The following DHRSX variants were observed in gnomAD, a reference collection of about 807,000 sequenced individuals.
DHRSX encodes the protein polyprenol dehydrogenase.
Under a neutral mutation model 34.0 loss-of-function variants are expected in DHRSX, and 31 were observed. The ratio of observed to expected loss-of-function variants is 0.91; its 90% CI spans 0.69 to 1.23. The LOEUF is 1.23. Among genes scored for constraint, DHRSX ranks in the 50% most tolerant of loss-of-function variants. DHRSX has a pLI of 0.00. For missense variants in DHRSX, 414 were observed against 428.1 expected (o/e 0.97, Z 0.29); for synonymous variants, 201 against 183.8 (o/e 1.09, Z -0.76).
At position 2,232,588 on chromosome X, in the gene DHRSX, ATTAT is replaced by A. The variant is rs766895035; in HGVS notation, c.804+10431_804+10434del. Among the ~76,000 whole-genome samples, 13 of 151,352 alleles carry A rather than the reference ATTAT, an allele frequency of 8.6e-5. No individual in the cohort carries two copies. The East Asian group carries it at 9.7e-4, about 11-fold the overall frequency. ...GAATCAGCATTTTTTTTTATTTTTT[ATTAT>A]TTATTTATTTATTTGAGATGCCAGG... On this transcript the variant is annotated intron_variant, in intron 6 of 6. Coordinates refer to ENST00000334651, the MANE Select transcript of DHRSX (RefSeq NM_145177.3).
rs778957532 is a variant in DHRSX at position 2,243,788 on chromosome X, G to GTTTTTTTTTTTTTTTT, written c.597-574_597-559dup. Among the ~76,000 whole-genome samples the GTTTTTTTTTTTTTTTT allele has an allele frequency of 9.9e-4, 25 of 25,134 alleles. 1 individual carries two copies. The highest frequency in any genetic ancestry group is 2.5e-3 in the South Asian group (1 of 406). 16.5% of individuals were successfully genotyped at this position (25,134 alleles called of 152,430 possible). ...ACAGGCAGGAGCCACTATGCTCCCT[G>GTTTTTTTTTTTTTTTT]TTTTTTTTTTTTTTTTTTTTTTTTT... On this transcript the variant is annotated intron_variant, in intron 5 of 6. Transcript: ENST00000334651.
intron 1 of DHRSX, among the ~76,000 whole-genome samples, chrX:2,496,494 C>T (rs1257027262): frequency 2.0e-5 from 3 of 152,222 alleles, no homozygotes; most frequent in South Asian, 2.1e-4. Flanking sequence ...CCACCGCACC[C>T]GGCCCGCCAA....
At chrX:2,236,455 G>A (rs951342265) in intron 6 of DHRSX, among the ~76,000 whole-genome samples, 8 of 152,106 alleles carry the variant, frequency 5.3e-5, no homozygotes, top group South Asian at 2.1e-4. Context: ...TTTTGAGATG[G>A]AGTTTCACTC....
At chrX:2,448,452 A>G (rs1338761118) in intron 1 of DHRSX, among the ~76,000 whole-genome samples, 1 of 151,904 alleles carries the variant, frequency 6.6e-6, no homozygotes, top group Non-Finnish European at 1.5e-5. Context: ...AAATGACTAA[A>G]AGTAGATTTT....
intron 1 of DHRSX, among the ~76,000 whole-genome samples, chrX:2,477,645 AGACCAACAT>A (rs1286350943): frequency 5.9e-5 from 9 of 152,316 alleles, no homozygotes; most frequent in Non-Finnish European, 1.0e-4. Context: ...CAGGAGTTCG[AGACCAACAT>A]GACCAACATG....
intron 4 of DHRSX, among the ~76,000 whole-genome samples, chrX:2,273,462 C>T (rs1288090720): frequency 2.6e-5 from 4 of 152,154 alleles, no homozygotes; most frequent in East Asian, 1.9e-4. Flanking sequence ...AGCAAATACA[C>T]GTTCTCACTT....
At chrX:2,476,868 A>G (rs994549888) in intron 1 of DHRSX, among the ~76,000 whole-genome samples, 2 of 151,904 alleles carry the variant, frequency 1.3e-5, no homozygotes, top group Non-Finnish European at 2.9e-5. Flanking sequence ...CGGGTGTGGT[A>G]GTGCATGCCT....
At chrX:2,333,259 A>G (rs982141683) in intron 3 of DHRSX, among the ~76,000 whole-genome samples, 3 of 152,226 alleles carry the variant, frequency 2.0e-5, no homozygotes, top group Non-Finnish European at 4.4e-5. Context: ...CATAGCTTAA[A>G]ACACATACAC....
intron 3 of DHRSX, among the ~76,000 whole-genome samples, chrX:2,345,606 C>G (rs1455944784): frequency 6.7e-6 from 1 of 149,546 alleles, no homozygotes; most frequent in Non-Finnish European, 1.5e-5. Context: ...AAGATCGCAC[C>G]GAGATCGCAT....
chrX:2,251,648 C>T (rs2016436552), intron 5 of DHRSX, among the ~76,000 whole-genome samples: 1 of 152,112 alleles, frequency 6.6e-6, no homozygotes, highest in South Asian at 2.1e-4. Context: ...GGAGAGTGTA[C>T]CCTTTCTGCA....
chrX:2,458,825 C>A (rs2044351202), intron 1 of DHRSX, among the ~76,000 whole-genome samples: 1 of 151,772 alleles, frequency 6.6e-6, no homozygotes, highest in African/African-American at 2.4e-5. Context: ...TAATGAAACC[C>A]CATCTCTAAA....
intron 5 of DHRSX, among the ~76,000 whole-genome samples, chrX:2,244,198 T>C (rs767449110): frequency 3.9e-4 from 59 of 152,318 alleles, no homozygotes; most frequent in African/African-American, 1.3e-3. Context: ...AAGCACATGT[T>C]AAACTCTTTG....
At chrX:2,304,199 G>A (rs1209561282) in intron 3 of DHRSX, among the ~76,000 whole-genome samples, 17 of 99,072 alleles carry the variant, frequency 1.7e-4, no homozygotes, top group African/African-American at 6.9e-4. Flanking sequence ...ATGGATGGAT[G>A]GATAAATGGA....
chrX:2,396,843 C>T (rs1271328629), intron 3 of DHRSX, among the ~76,000 whole-genome samples: 2 of 150,848 alleles, frequency 1.3e-5, no homozygotes, highest in Admixed American at 1.3e-4. Flanking sequence ...CGGCTCACCA[C>T]AACCTCCGCC....
chrX:2,411,448 C>T (rs186086160), intron 2 of DHRSX, among the ~76,000 whole-genome samples: 46 of 150,256 alleles, frequency 3.1e-4, no homozygotes, highest in Admixed American at 1.0e-3. Flanking sequence ...ACTAGGGAAG[C>T]GGAGGCAGGA....
intron 4 of DHRSX, among the ~76,000 whole-genome samples, chrX:2,272,250 A>T (rs2041567597): frequency 6.6e-6 from 1 of 152,148 alleles, no homozygotes; most frequent in African/African-American, 2.4e-5. Flanking sequence ...CATTTTCCTC[A>T]TATTTTATTT....
At chrX:2,224,783 T>A (rs1019633338) in intron 6 of DHRSX, among the ~76,000 whole-genome samples, 1 of 151,856 alleles carries the variant, frequency 6.6e-6, no homozygotes, top group Non-Finnish European at 1.5e-5. Flanking sequence ...CTCATTCACA[T>A]GCACACATGC....
chrX:2,343,085 C>T (rs977507065), intron 3 of DHRSX, among the ~76,000 whole-genome samples: 4 of 152,116 alleles, frequency 2.6e-5, no homozygotes, highest in African/African-American at 9.7e-5. Flanking sequence ...AAGATAAACC[C>T]GTCTCCGACC....
At chrX:2,255,851 T>G (rs112217393) in intron 5 of DHRSX, among the ~76,000 whole-genome samples, 1 of 150,770 alleles carries the variant, frequency 6.6e-6, no homozygotes, top group Non-Finnish European at 1.5e-5. Flanking sequence ...GAGGCAGAGG[T>G]TGTAGTGAGC....
Sources: allele counts gnomAD v4.1 joint callset (sites outside exome capture counted in the v4.1 genomes callset), GRCh38; gene constraint gnomAD v4.1.1; transcripts MANE v1.5; gene names NCBI Gene and HGNC (gene_info 2026-07-23, HGNC 2026-07-21).